The following CDH13 variants were observed in gnomAD, a reference collection of about 807,000 sequenced individuals.
CDH13 encodes cadherin 13.
A neutral mutation model predicts 63.8 loss-of-function variants in CDH13; 24 were observed. That is an observed-to-expected ratio of 0.38 (90% CI 0.27 to 0.53). The LOEUF (loss-of-function observed/expected upper bound fraction) is 0.53. Among genes scored for constraint, CDH13 ranks in the 20% least tolerant of loss-of-function variants. The pLI is 0.85. For synonymous variants in CDH13, 503 were observed against 355.3 expected (o/e 1.42, Z -4.67); for missense variants, 1,049 against 903.1 (o/e 1.16, Z -2.07).
intron 1 of CDH13, among the ~76,000 whole-genome samples, chr16:82,846,578 T>G (rs1260865218): frequency 1.3e-5 from 2 of 152,062 alleles, no homozygotes; most frequent in African/African-American, 4.8e-5. Context: ...ACTGGAAAAA[T>G]TGAGATTTCG....
At chr16:83,066,443 G>A (rs1415547299) in intron 3 of CDH13, among the ~76,000 whole-genome samples, 2 of 152,178 alleles carry the variant, frequency 1.3e-5, no homozygotes, top group African/African-American at 4.8e-5. Context: ...ACCAAGCTGG[G>A]AGGCCTTCTG....
intron 2 of CDH13, among the ~76,000 whole-genome samples, chr16:82,889,316 C>CTCTCTCTG (rs1597147856): frequency 6.6e-6 from 1 of 152,068 alleles, no homozygotes; most frequent in Non-Finnish European, 1.5e-5. Context: ...CTCTCTCTCT[C>CTCTCTCTG]TCTCTCTACC....
intron 1 of CDH13, among the ~76,000 whole-genome samples, chr16:82,666,236 C>T (rs1327589714): frequency 6.6e-6 from 1 of 152,192 alleles, no homozygotes; most frequent in Non-Finnish European, 1.5e-5. Flanking sequence ...CTCCTGCAAT[C>T]AACCAGAAAC....
At chr16:82,843,217 G>A (rs145034528) in intron 1 of CDH13, among the ~76,000 whole-genome samples, 1,958 of 152,314 alleles carry the variant, frequency 0.013, 33 homozygotes, top group Middle Eastern at 0.075. Flanking sequence ...GCCTTTTTGT[G>A]TATATTGACA....
intron 1 of CDH13, among the ~76,000 whole-genome samples, chr16:82,756,187 C>G (rs1427928989): frequency 6.6e-6 from 1 of 151,986 alleles, no homozygotes; most frequent in African/African-American, 2.4e-5. Flanking sequence ...GGTTACCTAA[C>G]CAACAGGTTC....
At chr16:82,848,470 C>T (rs1487840866) in intron 1 of CDH13, among the ~76,000 whole-genome samples, 2 of 152,062 alleles carry the variant, frequency 1.3e-5, no homozygotes, top group African/African-American at 2.4e-5. Context: ...GTCTCTGTCT[C>T]ATGTTTTGAT....
intron 6 of CDH13, among the ~76,000 whole-genome samples, chr16:83,414,479 A>G (rs765032419): frequency 2.0e-5 from 3 of 152,192 alleles, no homozygotes; most frequent in Non-Finnish European, 2.9e-5. Flanking sequence ...GTACAGTAGT[A>G]TTGACTCTAG....
intron 2 of CDH13, among the ~76,000 whole-genome samples, chr16:82,863,570 A>T (rs1334531957): frequency 6.6e-6 from 1 of 152,242 alleles, no homozygotes; most frequent in Non-Finnish European, 1.5e-5. Context: ...GATTAATGGT[A>T]GTCCCTGCTT....
chr16:82,657,869 A>C (rs1302241747), intron 1 of CDH13, among the ~76,000 whole-genome samples: 1 of 152,152 alleles, frequency 6.6e-6, no homozygotes, highest in Non-Finnish European at 1.5e-5. Context: ...CTGCAAACTA[A>C]GTTTTGTTTC....
rs575487062 is a variant in CDH13 at position 83,480,190 on chromosome 16, C to G, written c.782-6287C>G. Reference sequence around the variant, plus strand: ...AATTAGCCAGGCATAGTGGTGCGCACCTATAGTCCCAGCTAATTGGGAGGC... The same window carrying G: ...AATTAGCCAGGCATAGTGGTGCGCAGCTATAGTCCCAGCTAATTGGGAGGC... On this transcript the variant is annotated intron_variant, in intron 6 of 13. Transcript: ENST00000567109. 2.0e-5 allele frequency among the ~76,000 whole-genome samples: 3 copies of G among 152,162 alleles called. No individual in the cohort carries two copies. In the South Asian group the frequency reaches 6.2e-4, roughly 32 times the overall value.
chr16:82,919,469 T>G (rs1042012908), intron 2 of CDH13, among the ~76,000 whole-genome samples: 5 of 152,228 alleles, frequency 3.3e-5, no homozygotes, highest in African/African-American at 4.8e-5. Context: ...TATTTGGTTT[T>G]CTGTTCTTGT....
intron 4 of CDH13, among the ~76,000 whole-genome samples, chr16:83,154,875 T>C (rs1207658190): frequency 6.6e-6 from 1 of 152,200 alleles, no homozygotes; most frequent in Non-Finnish European, 1.5e-5. Context: ...AGCAAAAATC[T>C]TTAAAAGCTC....
chr16:82,719,433 C>G (rs191337057), intron 1 of CDH13: 1 of 455,894 alleles, frequency 2.2e-6, no homozygotes, highest in Non-Finnish European at 4.4e-6. Flanking sequence ...GAGTCTGAGG[C>G]TCAGTTTTCC....
chr16:82,754,969 C>T (rs947572251), intron 1 of CDH13, among the ~76,000 whole-genome samples: 8 of 152,298 alleles, frequency 5.3e-5, no homozygotes, highest in African/African-American at 1.9e-4. Flanking sequence ...AAACTCAAGC[C>T]AATGCTGTAG....
intron 4 of CDH13, among the ~76,000 whole-genome samples, chr16:83,178,922 G>GC (rs1567481511): frequency 6.6e-6 from 1 of 152,138 alleles, no homozygotes; most frequent in African/African-American, 2.4e-5. Context: ...ACATAGAGAC[G>GC]TGCAGTTAAT....
rs139406945 is a variant in CDH13 at position 83,006,202 on chromosome 16, C to T, written c.158-25808C>T. 6.3e-3 allele frequency among the ~76,000 whole-genome samples: 965 copies of T among 152,196 alleles called. 9 individuals carry two copies. Among genetic ancestry groups the T allele is most frequent in the African/African-American group, 0.022 (919 of 41,528 alleles). ...AAGTCTCAATCACATCACTTTAATA[C>T]ATAAACAAAAAAGACCCAACACAAT... On this transcript the variant is annotated intron_variant, in intron 2 of 13. Coordinates refer to ENST00000567109, the MANE Select transcript of CDH13 (RefSeq NM_001257.5).
chr16:83,044,305 TG>T (rs1328833532), intron 3 of CDH13, among the ~76,000 whole-genome samples: 1 of 152,260 alleles, frequency 6.6e-6, no homozygotes, highest in Non-Finnish European at 1.5e-5. Flanking sequence ...CTGACATTTA[TG>T]GCAGAACTAT....
intron 2 of CDH13, among the ~76,000 whole-genome samples, chr16:82,972,030 C>T (rs774531156): frequency 2.0e-5 from 3 of 152,150 alleles, no homozygotes; most frequent in South Asian, 2.1e-4. Flanking sequence ...TATTTCACAG[C>T]GACTTGCACA....
intron 2 of CDH13, among the ~76,000 whole-genome samples, chr16:82,950,991 G>A (rs771397014): frequency 5.9e-5 from 9 of 152,184 alleles, no homozygotes; most frequent in South Asian, 2.1e-4. Context: ...TAGATGTTGC[G>A]CATCACCATA....
Sources: gnomAD v4.1 joint callset for allele counts (sites outside exome capture counted in the v4.1 genomes callset) on GRCh38, gnomAD v4.1.1 for gene constraint, MANE v1.5 for transcripts, NCBI Gene and HGNC (gene_info 2026-07-23, HGNC 2026-07-21) for gene names.